Variants in GPC6 observed in about 807,000 individuals in gnomAD.
The protein encoded by GPC6 is glypican 6.
In GPC6, 14 loss-of-function variants were observed where a neutral mutation model predicts 55.2. The ratio of observed to expected loss-of-function variants is 0.25; its 90% CI spans 0.17 to 0.40. The LOEUF is 0.40. GPC6 is among the 10% of genes least tolerant of loss of function. GPC6 has a pLI of 1.00. For missense variants in GPC6, 641 were observed against 708.5 expected (o/e 0.90, Z 1.08); for synonymous variants, 278 against 259.6 (o/e 1.07, Z -0.68).
chr13:94,095,648 T>C (rs1339708740), intron 4 of GPC6, among the ~76,000 whole-genome samples: 1 of 152,142 alleles, frequency 6.6e-6, no homozygotes, highest in Non-Finnish European at 1.5e-5. Flanking sequence ...ATGGCACAGC[T>C]CTTGAGAGTA....
At chr13:93,782,995 C>G (rs867814723) in intron 2 of GPC6, among the ~76,000 whole-genome samples, 15 of 152,046 alleles carry the variant, frequency 9.9e-5, no homozygotes, top group Middle Eastern at 3.2e-3. Context: ...CCCAACAGGC[C>G]CCAGTGTGTG....
chr13:93,468,211 A>G (rs761929113), intron 1 of GPC6, among the ~76,000 whole-genome samples: 2 of 152,118 alleles, frequency 1.3e-5, no homozygotes, highest in Non-Finnish European at 2.9e-5. Flanking sequence ...GAATATCTTC[A>G]ATTACTGGTC....
intron 3 of GPC6, among the ~76,000 whole-genome samples, chr13:93,882,331 G>C (rs1309405494): frequency 1.3e-5 from 2 of 151,774 alleles, no homozygotes; most frequent in African/African-American, 4.8e-5. Flanking sequence ...ATTTTGTGTA[G>C]AGACAGGGTT....
At chr13:93,567,884 C>G (rs1304546913) in intron 2 of GPC6, among the ~76,000 whole-genome samples, 1 of 152,114 alleles carries the variant, frequency 6.6e-6, no homozygotes, top group Non-Finnish European at 1.5e-5. Context: ...TGGTGGCTCA[C>G]CATGGTCATA....
chr13:94,021,161 T>C (rs1448185832), intron 3 of GPC6, among the ~76,000 whole-genome samples: 1 of 152,066 alleles, frequency 6.6e-6, no homozygotes, highest in Non-Finnish European at 1.5e-5. Context: ...CATTAACTTA[T>C]CTATCTTTTG....
At chr13:94,012,199 G>A (rs1224305902) in intron 3 of GPC6, among the ~76,000 whole-genome samples, 1 of 152,138 alleles carries the variant, frequency 6.6e-6, no homozygotes, top group Non-Finnish European at 1.5e-5. Flanking sequence ...TTAATTGTCA[G>A]CCAACTGATT....
chr13:93,221,500 A>G, the GPC6 span, among the ~76,000 whole-genome samples: 1 of 152,182 alleles, frequency 6.6e-6, no homozygotes, highest in Non-Finnish European at 1.5e-5. Context: ...TTTCCCCCCA[A>G]GAGATCATTA....
intron 1 of GPC6, among the ~76,000 whole-genome samples, chr13:93,367,347 A>G (rs1881288439): frequency 6.6e-6 from 1 of 152,034 alleles, no homozygotes; most frequent in Admixed American, 6.6e-5. Flanking sequence ...TCTTTTTATC[A>G]TTGTTAGCTT....
At chr13:93,697,836 C>T (rs1238323106) in intron 2 of GPC6, among the ~76,000 whole-genome samples, 1 of 152,146 alleles carries the variant, frequency 6.6e-6, no homozygotes, top group Admixed American at 6.6e-5. Context: ...TCAACTATCC[C>T]TTTTCTTATA....
chr13:94,363,766 C>A (rs942641647), intron 6 of GPC6, among the ~76,000 whole-genome samples: 4 of 152,130 alleles, frequency 2.6e-5, no homozygotes, highest in Non-Finnish European at 5.9e-5. Flanking sequence ...AGCGAAAAAC[C>A]CACAACAGAT....
intron 4 of GPC6, among the ~76,000 whole-genome samples, chr13:94,285,575 T>TA (rs1892506242): frequency 2.6e-5 from 4 of 152,218 alleles, no homozygotes; most frequent in Admixed American, 2.6e-4. Flanking sequence ...ACTGTGACTC[T>TA]ATGTTAAGTC....
intron 2 of GPC6, among the ~76,000 whole-genome samples, chr13:93,703,397 G>A (rs1475455058): frequency 6.6e-6 from 1 of 151,892 alleles, no homozygotes; most frequent in Non-Finnish European, 1.5e-5. Flanking sequence ...TTGGAATATT[G>A]TAAGAATTAA....
chr13:93,345,658 C>T (rs925190381), intron 1 of GPC6, among the ~76,000 whole-genome samples: 1 of 152,034 alleles, frequency 6.6e-6, no homozygotes, highest in Non-Finnish European at 1.5e-5. Context: ...AAATAAAACC[C>T]CAATGAATGC....
At chr13:93,432,722 A>C (rs564728831) in intron 1 of GPC6, among the ~76,000 whole-genome samples, 26 of 152,198 alleles carry the variant, frequency 1.7e-4, no homozygotes, top group Non-Finnish European at 3.2e-4. Flanking sequence ...GTGATGACAA[A>C]GTGAGGTAGA....
intron 1 of GPC6, among the ~76,000 whole-genome samples, chr13:93,524,716 G>A (rs185264167): frequency 1.3e-5 from 2 of 152,234 alleles, no homozygotes; most frequent in East Asian, 3.9e-4. Flanking sequence ...GAAGCTGGAA[G>A]ATAGAATGCA....
intron 2 of GPC6, among the ~76,000 whole-genome samples, chr13:93,565,538 C>T (rs75526156): frequency 0.018 from 2,805 of 152,214 alleles, 34 homozygotes; most frequent in Non-Finnish European, 0.027. Context: ...TTCTCAAGGA[C>T]GTCATTCCTC....
intron 2 of GPC6, among the ~76,000 whole-genome samples, chr13:93,801,238 C>A (rs1886357830): frequency 1.3e-5 from 2 of 152,154 alleles, no homozygotes; most frequent in African/African-American, 4.8e-5. Context: ...GGTTGTGTCA[C>A]TGGGAACAAG....
At chr13:94,012,427 C>T (rs1882284699) in intron 3 of GPC6, among the ~76,000 whole-genome samples, 1 of 152,128 alleles carries the variant, frequency 6.6e-6, no homozygotes, top group African/African-American at 2.4e-5. Context: ...CATATGTGTG[C>T]TAACAACTAG....
At chr13:93,389,365 G>A (rs191392845) in intron 1 of GPC6, among the ~76,000 whole-genome samples, 143 of 151,758 alleles carry the variant, frequency 9.4e-4, no homozygotes, top group East Asian at 3.3e-3. Context: ...ATAGCCGGGC[G>A]TGGTGGCAGG....
Sources: gnomAD v4.1 joint callset for allele counts (sites outside exome capture counted in the v4.1 genomes callset) on GRCh38, gnomAD v4.1.1 for gene constraint, MANE v1.5 for transcripts, NCBI Gene and HGNC (gene_info 2026-07-23, HGNC 2026-07-21) for gene names.